Variants in CARMIL1 observed in about 807,000 individuals in gnomAD.
The protein encoded by CARMIL1 is F-actin-uncapping protein LRRC16A.
CARMIL1 carries 90 observed loss-of-function variants against 177.1 expected under a neutral mutation model. The ratio of observed to expected loss-of-function variants is 0.51; its 90% CI spans 0.43 to 0.61. The LOEUF is 0.61. CARMIL1 is among the 20% of genes least tolerant of loss of function. The pLI is 0.00. For missense variants in CARMIL1, 1,380 were observed against 1,667.0 expected (o/e 0.83, Z 3.00); for synonymous variants, 577 against 606.2 (o/e 0.95, Z 0.71).
intron 2 of CARMIL1, among the ~76,000 whole-genome samples, chr6:25,373,236 CT>C (rs2150444200): frequency 6.6e-6 from 1 of 151,416 alleles, no homozygotes; most frequent in East Asian, 1.9e-4. Flanking sequence ...CTGTTATATC[CT>C]TTCCTGGTTT....
chr6:25,318,988 C>T (rs941745663), intron 2 of CARMIL1, among the ~76,000 whole-genome samples: 1 of 152,172 alleles, frequency 6.6e-6, no homozygotes, highest in African/African-American at 2.4e-5. Context: ...TTTTCTGAGG[C>T]TGGGCTCATT....
chr6:25,287,326 T>G (rs1437189045), intron 2 of CARMIL1: 1 of 152,260 alleles, frequency 6.6e-6, no homozygotes, highest in African/African-American at 2.4e-5. Context: ...CGTGGTTCTT[T>G]CTTCTTACAC....
intron 2 of CARMIL1, among the ~76,000 whole-genome samples, chr6:25,297,227 G>A (rs1442501256): frequency 6.6e-6 from 1 of 152,226 alleles, no homozygotes; most frequent in African/African-American, 2.4e-5. Context: ...TGCTTGTGCT[G>A]TTGATAATCA....
In CARMIL1 at chr6:25,326,293, G is replaced by A. The variant is rs181882279; in HGVS notation, c.138+41384G>A. On this transcript the variant is annotated intron_variant, in intron 2 of 36. Transcript: ENST00000329474. This position sits in a 1 kb window ranked among gnomAD's most constrained non-coding sequence, Gnocchi z 4.2. ...CAATATATTGTGCAAAGGCCCTGAG[G>A]AAGTGTGTGGTTTTAGTGGAGAGCT... 8.5e-5 allele frequency among the ~76,000 whole-genome samples: 13 copies of A among 152,314 alleles called. No individual in the cohort carries two copies. Among genetic ancestry groups the A allele is most frequent in the Non-Finnish European group, 1.5e-4 (10 of 68,032 alleles).
chr6:25,327,407 G>GT (rs1785229715), intron 2 of CARMIL1, among the ~76,000 whole-genome samples: 1 of 152,126 alleles, frequency 6.6e-6, no homozygotes, highest in African/African-American at 2.4e-5. Context: ...CATTCTATTT[G>GT]GACTGTCAGT....
At chr6:25,356,603 G>A (rs1301082132) in intron 2 of CARMIL1, among the ~76,000 whole-genome samples, 1 of 152,212 alleles carries the variant, frequency 6.6e-6, no homozygotes, top group Non-Finnish European at 1.5e-5. Flanking sequence ...AGATGTACAA[G>A]GTTATTTTTC....
At chr6:25,370,207 T>G (rs1790271037) in intron 2 of CARMIL1, 1 of 152,212 alleles carries the variant, frequency 6.6e-6, no homozygotes, top group African/African-American at 2.4e-5. Context: ...AATTAAACAT[T>G]TGAAACCAGC....
At position 25,520,238 on chromosome 6, in the gene CARMIL1, TTC is replaced by T; in HGVS notation, c.1875-4_1875-3del. The T allele has an allele frequency of 7.2e-7, 1 of 1,393,130 alleles. No homozygotes were observed. Among genetic ancestry groups the T allele is most frequent in the Non-Finnish European group, 9.8e-7 (1 of 1,020,208 alleles). The allele number at this position is 1,393,130 out of a possible 1,614,324, so 86.3% of individuals were successfully genotyped here. On this transcript the variant is annotated splice_polypyrimidine_tract_variant and splice_region_variant and intron_variant, in intron 22 of 36. Coordinates refer to ENST00000329474, the MANE Select transcript of CARMIL1 (RefSeq NM_017640.6). ...AAATAAGTATATTATTTTCTCCTTT[TTC>T]TAGGAACTACACATTAAGATTTATG...
Position 25,385,158 on chromosome 6 carries a change from T to A in CARMIL1, c.139-34956T>A, listed in dbSNP as rs545522622. On this transcript the variant is annotated intron_variant, in intron 2 of 36. Coordinates refer to ENST00000329474, the MANE Select transcript of CARMIL1 (RefSeq NM_017640.6). ...GTACAACTTATCAGGAGAACCGTTA[T>A]CTAAGGCATCCAGTTCACAGAAGGG... Among the ~76,000 whole-genome samples, 172 of 152,344 alleles carry A rather than the reference T, an allele frequency of 1.1e-3. 2 individuals carry two copies. Among genetic ancestry groups the A allele is most frequent in the Non-Finnish European group, 1.0e-3 (69 of 68,032 alleles).
intron 2 of CARMIL1, among the ~76,000 whole-genome samples, chr6:25,288,423 C>A (rs1781686621): frequency 6.6e-6 from 1 of 150,796 alleles, no homozygotes; most frequent in Non-Finnish European, 1.5e-5. Context: ...GTTAAGGGCC[C>A]AGATTTTGGG....
At chr6:25,331,592 A>C (rs889267641) in intron 2 of CARMIL1, among the ~76,000 whole-genome samples, 1 of 152,170 alleles carries the variant, frequency 6.6e-6, no homozygotes, top group Non-Finnish European at 1.5e-5. Flanking sequence ...CCCCAGAGCT[A>C]ATCCATGGGA....
intron 2 of CARMIL1, among the ~76,000 whole-genome samples, chr6:25,310,817 T>C (rs937380083): frequency 1.3e-5 from 2 of 152,220 alleles, no homozygotes; most frequent in African/African-American, 4.8e-5. Context: ...AGGCCTAGAT[T>C]GCACTAAATT....
At chr6:25,290,478 T>C (rs1238486713) in intron 2 of CARMIL1, among the ~76,000 whole-genome samples, 1 of 151,360 alleles carries the variant, frequency 6.6e-6, no homozygotes, top group Non-Finnish European at 1.5e-5. Context: ...CTGTTGCCTG[T>C]TTGGGGGAGA....
At chr6:25,437,477 A>G (rs1291627780) in intron 5 of CARMIL1, among the ~76,000 whole-genome samples, 1 of 152,226 alleles carries the variant, frequency 6.6e-6, no homozygotes, top group Admixed American at 6.5e-5. Flanking sequence ...TCTTCGGGCA[A>G]TTATTAAACC....
Position 25,420,102 on chromosome 6 carries a change from T to C in CARMIL1, c.139-12T>C. On this transcript the variant is annotated splice_polypyrimidine_tract_variant and intron_variant, in intron 2 of 36. Transcript: ENST00000329474. ...TGGTGCTTATACTGATGCTGCTGCT[T>C]CTGTCTTACAGGTCCTTACATCATG... The C allele has an allele frequency of 6.2e-7, 1 of 1,610,788 alleles. No homozygotes were observed. The highest frequency in any genetic ancestry group is 1.1e-5 in the South Asian group (1 of 90,958).
intron 31 of CARMIL1, among the ~76,000 whole-genome samples, chr6:25,585,499 A>G (rs1474513195): frequency 6.6e-6 from 1 of 152,238 alleles, no homozygotes; most frequent in Non-Finnish European, 1.5e-5. Flanking sequence ...AAAATGTACA[A>G]ATAGATATTT....
intron 2 of CARMIL1, among the ~76,000 whole-genome samples, chr6:25,379,225 C>G (rs1791302839): frequency 6.6e-6 from 1 of 152,142 alleles, no homozygotes; most frequent in Non-Finnish European, 1.5e-5. Flanking sequence ...GTCCTATCTT[C>G]TAGGAGCTTA....
At chr6:25,356,218 C>T (rs747330987) in intron 2 of CARMIL1, among the ~76,000 whole-genome samples, 15 of 152,094 alleles carry the variant, frequency 9.9e-5, no homozygotes, top group East Asian at 3.9e-4. Context: ...CCACTGCGCC[C>T]GGCTAATTTT....
At chr6:25,479,176 A>G (rs774389622) in intron 11 of CARMIL1, 18 of 518,916 alleles carry the variant, frequency 3.5e-5, no homozygotes, top group Non-Finnish European at 7.7e-6. Context: ...GGTTTGCCCC[A>G]GTGATTACCA....
Sources: allele counts gnomAD v4.1 joint callset (sites outside exome capture counted in the v4.1 genomes callset), GRCh38; gene constraint gnomAD v4.1.1; non-coding constraint Gnocchi (gnomAD v3.1); transcripts MANE v1.5; gene names NCBI Gene and HGNC (gene_info 2026-07-23, HGNC 2026-07-21).